Variants in SLC30A5 observed in about 807,000 individuals in gnomAD.
SLC30A5 encodes the protein solute carrier family 30 member 5, also known as proton-coupled zinc antiporter SLC30A5.
A neutral mutation model predicts 79.6 loss-of-function variants in SLC30A5; 33 were observed. The ratio of observed to expected loss-of-function variants is 0.41; its 90% CI spans 0.31 to 0.55. The LOEUF (loss-of-function observed/expected upper bound fraction) is 0.55, where lower values mean the gene tolerates loss of function less well. Ranked by LOEUF, SLC30A5 falls within the 20% of genes least tolerant of loss-of-function variation. SLC30A5 has a pLI of 0.20. For synonymous variants in SLC30A5, 299 were observed against 319.7 expected (o/e 0.94, Z 0.69); for missense variants, 788 against 928.1 (o/e 0.85, Z 1.96).
At chr5:69,098,201 G>A (rs894165720) in intron 1 of SLC30A5, among the ~76,000 whole-genome samples, 1 of 151,990 alleles carries the variant, frequency 6.6e-6, no homozygotes, top group Non-Finnish European at 1.5e-5. Flanking sequence ...GTTATCACTG[G>A]ACTTTTCTGT....
chr5:69,124,124 A>AAC (rs1746610236), intron 14 of SLC30A5, among the ~76,000 whole-genome samples: 1 of 151,452 alleles, frequency 6.6e-6, no homozygotes, highest in African/African-American at 2.4e-5. Context: ...AAAAAAAAAA[A>AAC]AAAAAACCTA....
chr5:69,099,804 T>C (rs934431931), intron 1 of SLC30A5, among the ~76,000 whole-genome samples: 6 of 152,246 alleles, frequency 3.9e-5, no homozygotes, highest in African/African-American at 1.4e-4. Flanking sequence ...CTTATTTGTT[T>C]GGAGGAGTTA....
intron 10 of SLC30A5, 43 bp from the exon 11 acceptor site, chr5:69,117,196 G>C (rs1199683758): frequency 1.1e-5 from 17 of 1,541,286 alleles, no homozygotes; most frequent in Non-Finnish European, 1.5e-5. Context: ...AATTGAAACA[G>C]TGCCCAACAT....
At chr5:69,115,435 A>G (rs1206167027) in intron 8 of SLC30A5, 28 bp downstream of exon 8, 3 of 1,544,476 alleles carry the variant, frequency 1.9e-6, no homozygotes, top group Non-Finnish European at 2.6e-6. Flanking sequence ...ATTTATTGGT[A>G]TTAAATTGCT....
In SLC30A5 at chr5:69,115,296, C is replaced by T; in HGVS notation, c.672C>T (p.Ser224=). The change falls in exon 8 of 16, where the codon TCC becomes TCT. Residue 224 remains serine (S), a synonymous_variant. Coordinates refer to ENST00000396591, the MANE Select transcript of SLC30A5 (RefSeq NM_022902.5). ...LCCKVGFHTA[S]RKLSVDVGGA... is the part of the protein sequence containing the mutation. ...GTAAAGTTGGTTTTCATACAGCTTC[C>T]AGAAAGCTCTCTGTCGACGTTGGTG... The T allele has an allele frequency of 6.2e-7, 1 of 1,614,056 alleles. No homozygotes were observed. Among genetic ancestry groups the T allele is most frequent in the African/African-American group, 1.3e-5 (1 of 75,022 alleles).
In SLC30A5 at chr5:69,113,119, T is replaced by C. The variant is rs773053910; in HGVS notation, c.448-21T>C. On this transcript the variant is annotated intron_variant, in intron 5 of 15. Transcript: ENST00000396591. The stretch of plus-strand genomic sequence containing the variant: ...CAACCCTTGAAAAAGTCATCCTTGA[T>C]GTTGTTTTCTTTATTTTCAGACAAG... 21 of 1,594,246 alleles carry C rather than the reference T, an allele frequency of 1.3e-5. No homozygotes were observed. The South Asian group carries it at 2.0e-4, about 15-fold the overall frequency.
intron 6 of SLC30A5, 127 bp downstream of exon 6, chr5:69,113,354 GTAGA>G: frequency 1.6e-6 from 1 of 628,380 alleles, no homozygotes. Context: ...ATAGATTAAT[GTAGA>G]TATTCTAAAT....
chr5:69,099,334 T>C (rs1287836780), intron 1 of SLC30A5, among the ~76,000 whole-genome samples: 1 of 152,234 alleles, frequency 6.6e-6, no homozygotes, highest in African/African-American at 2.4e-5. Flanking sequence ...GGTATTTTTT[T>C]CCCCTGGACT....
chr5:69,106,501 CT>C lies in SLC30A5; in HGVS notation c.359+1786del, dbSNP rs552342176. Among the ~76,000 whole-genome samples, 140 of 152,272 alleles carry C rather than the reference CT, an allele frequency of 9.2e-4. 1 individual carries two copies. The highest frequency in any genetic ancestry group is 3.2e-3 in the African/African-American group (133 of 41,546). ...TGACCTTATCACTACCAACACTGCC[CT>C]CTCATTCTTCTACTAAAACCATTAT... On this transcript the variant is annotated intron_variant, in intron 4 of 15. Coordinates refer to ENST00000396591, the MANE Select transcript of SLC30A5 (RefSeq NM_022902.5).
At chr5:69,126,141 G>A (rs1746681406) in intron 14 of SLC30A5, among the ~76,000 whole-genome samples, 1 of 152,090 alleles carries the variant, frequency 6.6e-6, no homozygotes. Context: ...CTTTCACCTC[G>A]TGGTTTACTA....
intron 3 of SLC30A5, chr5:69,104,032 T>C: frequency 1.3e-6 from 2 of 1,565,868 alleles, no homozygotes; most frequent in Non-Finnish European, 1.7e-6. Flanking sequence ...CCTAGGAAAC[T>C]AGTGGGAAAC....
At chr5:69,126,797 AC>A (rs1262949472) in intron 14 of SLC30A5, among the ~76,000 whole-genome samples, 10 of 150,566 alleles carry the variant, frequency 6.6e-5, no homozygotes, top group African/African-American at 2.4e-4. Flanking sequence ...AACAACAACA[AC>A]AACAACAACA....
chr5:69,109,429 T>A (rs1388177498), intron 5 of SLC30A5, among the ~76,000 whole-genome samples: 1 of 151,932 alleles, frequency 6.6e-6, no homozygotes, highest in Non-Finnish European at 1.5e-5. Flanking sequence ...TTACATACGA[T>A]CGTGTGTGTG....
At chr5:69,095,361 T>C (rs1452571257) in intron 1 of SLC30A5, among the ~76,000 whole-genome samples, 1 of 152,016 alleles carries the variant, frequency 6.6e-6, no homozygotes, top group Non-Finnish European at 1.5e-5. Flanking sequence ...CCACCACGCC[T>C]GGCTAATGTT....
At chr5:69,103,015 G>A (rs1437310590) in intron 2 of SLC30A5, 47 bp from the exon 3 acceptor site, 4 of 961,270 alleles carry the variant, frequency 4.2e-6, no homozygotes, top group East Asian at 2.5e-5. Flanking sequence ...TGTATCTTGT[G>A]TTTAATATGG....
intron 12 of SLC30A5, 39 bp downstream of exon 12, chr5:69,118,667 A>T: frequency 4.0e-6 from 6 of 1,509,886 alleles, no homozygotes; most frequent in Non-Finnish European, 5.3e-6. Context: ...TTCTAGTCAT[A>T]CTTACATAGT....
chr5:69,094,147 G>A lies in SLC30A5; in HGVS notation c.-109G>A, dbSNP rs1745646203. 1 of 541,816 alleles carries A rather than the reference G, an allele frequency of 1.8e-6. No homozygotes were observed. Among genetic ancestry groups the A allele is most frequent in the East Asian group, 3.5e-5 (1 of 28,522 alleles). The allele number at this position is 541,816 out of a possible 1,614,324, so 33.6% of individuals were successfully genotyped here. On this transcript the variant is annotated 5_prime_UTR_variant, in exon 1 of 16. Coordinates refer to ENST00000396591, the MANE Select transcript of SLC30A5 (RefSeq NM_022902.5). ...GGCCCGGCCTGCAGGAGCCCGACGG[G>A]GTCTCTGCCATGGGGGAGTGACGCG...
chr5:69,118,337 G>GTGTGTATAT (rs1206213964), intron 11 of SLC30A5, 162 bp from the exon 12 acceptor site: 1 of 244,856 alleles, frequency 4.1e-6, no homozygotes, highest in African/African-American at 2.6e-5. Flanking sequence ...ATATATATAT[G>GTGTGTATAT]AAGGACCTTC....
At chr5:69,112,048 C>T (rs1027927194) in intron 5 of SLC30A5, among the ~76,000 whole-genome samples, 8 of 151,984 alleles carry the variant, frequency 5.3e-5, no homozygotes, top group Non-Finnish European at 1.2e-4. Context: ...GCCTGTAATC[C>T]TAGGACTTTG....
Sources: allele counts gnomAD v4.1 joint callset (sites outside exome capture counted in the v4.1 genomes callset), GRCh38; gene constraint gnomAD v4.1.1; transcripts MANE v1.5; gene names NCBI Gene and HGNC (gene_info 2026-07-23, HGNC 2026-07-21).